Variants in GPR39 observed in about 807,000 individuals in gnomAD.
GPR39 encodes the protein zinc sensing receptor.
In GPR39, 23 loss-of-function variants were observed where a neutral mutation model predicts 18.4. The observed-to-expected ratio is 1.25, with a 90% CI of 0.90 to 1.77. The LOEUF is 1.77. GPR39 is among the 40% of genes most tolerant of loss of function. The pLI is 0.00. For missense variants in GPR39, 647 were observed against 602.4 expected, an observed-to-expected ratio of 1.07 and a Z score of -0.78; for synonymous variants, 280 against 257.9, an observed-to-expected ratio of 1.09 and a Z score of -0.82.
chr2:132,606,317 G>A (rs1031058101), intron 1 of GPR39: 1 of 152,252 alleles, frequency 6.6e-6, no homozygotes, highest in African/African-American at 2.4e-5. Context: ...CTTATGGAGA[G>A]AGTGAATTTT....
intron 1 of GPR39, among the ~76,000 whole-genome samples, chr2:132,498,058 A>G (rs958518848): frequency 6.6e-6 from 1 of 152,116 alleles, no homozygotes; most frequent in Admixed American, 6.5e-5. Flanking sequence ...CATATTTTTG[A>G]TATTTAACTG....
chr2:132,517,628 T>C (rs1444512011), intron 1 of GPR39, among the ~76,000 whole-genome samples: 2 of 152,228 alleles, frequency 1.3e-5, no homozygotes, highest in Non-Finnish European at 2.9e-5. Context: ...TAGATATGGT[T>C]ACAGCATGCT....
At chr2:132,482,671 A>G (rs1681257391) in intron 1 of GPR39, among the ~76,000 whole-genome samples, 2 of 152,184 alleles carry the variant, frequency 1.3e-5, no homozygotes, top group African/African-American at 4.8e-5. Flanking sequence ...CCCTCACAAA[A>G]TCTTTGGAAA....
At chr2:132,547,115 G>A (rs1178603665) in intron 1 of GPR39, among the ~76,000 whole-genome samples, 2 of 152,138 alleles carry the variant, frequency 1.3e-5, no homozygotes, top group Non-Finnish European at 2.9e-5. Context: ...CCCACTAATT[G>A]CATTATAAGG....
intron 1 of GPR39, among the ~76,000 whole-genome samples, chr2:132,620,666 A>G (rs1333516306): frequency 5.3e-5 from 8 of 152,088 alleles, no homozygotes; most frequent in South Asian, 2.1e-4. Context: ...TTGCCCAGAC[A>G]CTTCCCCTCG....
At chr2:132,618,568 T>C (rs1681379066) in intron 1 of GPR39, among the ~76,000 whole-genome samples, 1 of 152,022 alleles carries the variant, frequency 6.6e-6, no homozygotes, top group Non-Finnish European at 1.5e-5. Flanking sequence ...CCACATCTTA[T>C]GTGGGTGCCA....
rs180684394 is a variant in GPR39 at position 132,494,804 on chromosome 2, T to G, written c.856+76906T>G. ...TCCTCCTTTCTTTATATTTGATGTT[T>G]GTTTTTCTTATCCAGAGTGCAGTTT... On this transcript the variant is annotated intron_variant, in intron 1 of 1. Transcript: ENST00000329321. Among the ~76,000 whole-genome samples, 3 of 152,214 alleles carry G rather than the reference T, an allele frequency of 2.0e-5. No individual in the cohort carries two copies. The East Asian group carries it at 5.8e-4, about 29-fold the overall frequency.
In GPR39 at chr2:132,417,470, AC is replaced by A. The variant is rs776856346; in HGVS notation, c.429del (p.Tyr143Ter). 3 of 1,614,180 alleles carry A rather than the reference AC, an allele frequency of 1.9e-6. No homozygotes were observed. The highest frequency in any genetic ancestry group is 2.5e-6 in the Non-Finnish European group (3 of 1,180,018). On this transcript the variant is annotated frameshift_variant, in exon 1 of 2. Coordinates refer to ENST00000329321, the MANE Select transcript of GPR39 (RefSeq NM_001508.3). LOFTEE classifies it high-confidence loss of function. ...RYIAICHPFR[Y>X]KAVSGPCQVK... Reference sequence around the variant, plus strand: ...ATCGCCATCTGTCACCCCTTCAGGTACAAGGCTGTGTCGGGACCTTGCCAGG... The same window carrying A: ...ATCGCCATCTGTCACCCCTTCAGGTAAAGGCTGTGTCGGGACCTTGCCAGG...
chr2:132,639,252 G>A (rs893074246), intron 1 of GPR39, among the ~76,000 whole-genome samples: 3 of 151,932 alleles, frequency 2.0e-5, no homozygotes, highest in South Asian at 2.1e-4. Flanking sequence ...AACTTGAATG[G>A]GGGGATAAAA....
chr2:132,439,077 A>G (rs1183609088), intron 1 of GPR39, among the ~76,000 whole-genome samples: 7 of 152,172 alleles, frequency 4.6e-5, no homozygotes, highest in African/African-American at 9.7e-5. Flanking sequence ...TGTTTCTCCA[A>G]CATAAATAGC....
At chr2:132,447,104 A>T (rs1263162149) in intron 1 of GPR39, among the ~76,000 whole-genome samples, 3 of 152,160 alleles carry the variant, frequency 2.0e-5, no homozygotes, top group African/African-American at 4.8e-5. Flanking sequence ...GAATCTGAGT[A>T]GCGGGCCTGT....
At chr2:132,625,630 G>A (rs11685252) in intron 1 of GPR39, among the ~76,000 whole-genome samples, 14,021 of 152,196 alleles carry the variant, frequency 0.092, 875 homozygotes, top group East Asian at 0.29. Context: ...AGGGCTTTCA[G>A]TTCCTTCTCT....
chr2:132,636,709 T>C (rs934217750), intron 1 of GPR39, among the ~76,000 whole-genome samples: 1 of 152,092 alleles, frequency 6.6e-6, no homozygotes, highest in African/African-American at 2.4e-5. Flanking sequence ...CATTCTAGAG[T>C]TTTAATTCTC....
chr2:132,424,730 A>C (rs1472007275), intron 1 of GPR39, among the ~76,000 whole-genome samples: 3 of 152,188 alleles, frequency 2.0e-5, no homozygotes, highest in Non-Finnish European at 4.4e-5. Flanking sequence ...CTAGAGTGAC[A>C]GCATTTGTTG....
intron 1 of GPR39, among the ~76,000 whole-genome samples, chr2:132,579,996 T>TA (rs1305613058): frequency 2.0e-5 from 3 of 152,212 alleles, no homozygotes; most frequent in Admixed American, 1.3e-4. Flanking sequence ...TCATTTTAGG[T>TA]AAAAAATACT....
At chr2:132,460,631 G>T (rs2104776776) in intron 1 of GPR39, among the ~76,000 whole-genome samples, 1 of 152,260 alleles carries the variant, frequency 6.6e-6, no homozygotes, top group African/African-American at 2.4e-5. Context: ...AAGAAAAAAA[G>T]GTGGCAGAGG....
chr2:132,631,228 C>CTGTGTTACTACGTACAACGCAA (rs1681645624), intron 1 of GPR39, among the ~76,000 whole-genome samples: 1 of 152,194 alleles, frequency 6.6e-6, no homozygotes, highest in South Asian at 2.1e-4. Flanking sequence ...TTGCGCTGTA[C>CTGTGTTACTACGTACAACGCAA]TGTGCTTACT....
intron 1 of GPR39, among the ~76,000 whole-genome samples, chr2:132,581,884 G>A (rs1680629455): frequency 6.6e-6 from 1 of 152,138 alleles, no homozygotes; most frequent in Admixed American, 6.5e-5. Flanking sequence ...AATGCGTGTG[G>A]CATGAACTCC....
intron 1 of GPR39, among the ~76,000 whole-genome samples, chr2:132,624,084 G>A (rs919609393): frequency 2.8e-4 from 42 of 152,316 alleles, no homozygotes; most frequent in Admixed American, 2.4e-3. Flanking sequence ...CGTGGGTTCG[G>A]TGGCATAAAC....
Sources: gnomAD v4.1 joint callset for allele counts (sites outside exome capture counted in the v4.1 genomes callset) on GRCh38, gnomAD v4.1.1 for gene constraint, MANE v1.5 for transcripts, NCBI Gene and HGNC (gene_info 2026-07-23, HGNC 2026-07-21) for gene names.